Variants in ASGR2 observed in about 807,000 individuals in gnomAD.
ASGR2 encodes C-type lectin domain family 4 member H2.
Under a neutral mutation model 32.3 loss-of-function variants are expected in ASGR2, and 34 were observed. That is an observed-to-expected ratio of 1.05 (90% CI 0.80 to 1.40). ASGR2 has a LOEUF of 1.40. ASGR2 is among the 40% of genes most tolerant of loss of function. ASGR2 has a pLI of 0.00. For missense variants in ASGR2, 385 were observed against 386.4 expected, an observed-to-expected ratio of 1.00 and a Z score of 0.03; for synonymous variants, 143 against 150.0, an observed-to-expected ratio of 0.95 and a Z score of 0.34.
chr17:7,110,314 C>G (rs946538092), intron 2 of ASGR2, among the ~76,000 whole-genome samples: 6 of 152,004 alleles, frequency 3.9e-5, no homozygotes. Context: ...CCACCCCTTC[C>G]TCCAAGGCCT....
chr17:7,108,639 C>G lies in ASGR2; in HGVS notation c.242-82G>C, dbSNP rs1914192252. 5.6e-6 allele frequency: 9 copies of G among 1,600,952 alleles called. No homozygotes were observed. The highest frequency in any genetic ancestry group is 1.7e-5 in the Admixed American group (1 of 59,600). On this transcript the variant is annotated intron_variant, in intron 3 of 8. Transcript: ENST00000691900. The surrounding 1 kb of genome is among the most constrained non-coding windows in gnomAD (Gnocchi z 4.9). ...TCCATGTGACTGGCCCCTCAATGTC[C>G]CCGCATTTGCCCCAGCTTGTGCTCC...
intron 2 of ASGR2, among the ~76,000 whole-genome samples, chr17:7,109,100 C>G (rs888328718): frequency 6.6e-6 from 1 of 151,874 alleles, no homozygotes; most frequent in Non-Finnish European, 1.5e-5. Context: ...AATATACACA[C>G]GCAGCTAATC....
rs1915000863 is a variant in ASGR2 at position 7,113,445 on chromosome 17, CACA to C, written c.124+669_124+671del. On this transcript the variant is annotated intron_variant, in intron 2 of 8. Transcript: ENST00000691900. This position sits in a 1 kb window ranked among gnomAD's most constrained non-coding sequence, Gnocchi z 5.1. Reference sequence around the variant, plus strand: ...ACACGCACAACATACACAACACTCACACAACACACAAACATACATACACTCACA... The same window carrying C: ...ACACGCACAACATACACAACACTCACACACACAAACATACATACACTCACA... Among the ~76,000 whole-genome samples the C allele has an allele frequency of 1.3e-5, 2 of 149,880 alleles. No homozygotes were observed. The highest frequency in any genetic ancestry group is 3.0e-5 in the Non-Finnish European group (2 of 67,488).
At position 7,102,101 on chromosome 17, in the gene ASGR2, C is replaced by T. The variant is rs572426696; in HGVS notation, c.744G>A (p.Arg248=). ...AAGAGGCCACTTACTTGTAGTTGTG[C>T]CTATAGTCTGTGCCATCCACCCATT... ...SWKWVDGTDY[R]HNYKNWAVTQ... is the part of the protein sequence containing the mutation. The change falls in exon 8 of 9, where the codon AGG becomes AGA. Residue 248 remains arginine, a synonymous_variant. Coordinates refer to ENST00000691900, the MANE Select transcript of ASGR2 (RefSeq NM_001201352.2). The T allele has an allele frequency of 6.2e-6, 10 of 1,613,852 alleles. No individual in the cohort carries two copies. In the African/African-American group the frequency reaches 1.2e-4, roughly 19 times the overall value.
chr17:7,101,658 C>T lies in ASGR2; in HGVS notation c.838G>A (p.Gly280Ser), dbSNP rs941669456. 1 of 1,614,094 alleles carries T rather than the reference C, an allele frequency of 6.2e-7. No homozygotes were observed. The highest frequency in any genetic ancestry group is 1.3e-5 in the African/African-American group (1 of 74,928). The stretch of plus-strand genomic sequence containing the variant: ...AGGCAGAAGTCATCGTTCCAGCGGC[C>T]ATCCGGCTGGACTTCAACACAGTCT... Reference protein sequence around the residue: ...SEDCVEVQPDGRWNDDFCLQV... With the variant: ...SEDCVEVQPDSRWNDDFCLQV... The change falls in exon 9 of 9, where the codon GGC (glycine) becomes AGC (serine). Residue 280 changes from glycine (G) to serine (S), a missense_variant. Transcript: ENST00000691900.
At chr17:7,109,444 A>C (rs1455550266) in intron 2 of ASGR2, among the ~76,000 whole-genome samples, 1 of 151,904 alleles carries the variant, frequency 6.6e-6, no homozygotes, top group Non-Finnish European at 1.5e-5. Context: ...GAGATCCTTA[A>C]ATCTGGGTCA....
rs1346097246 is a variant in ASGR2 at position 7,108,867 on chromosome 17, A to C, written c.146T>G (p.Leu49Arg). 1.3e-6 allele frequency: 2 copies of C among 1,595,430 alleles called. No homozygotes were observed. Among genetic ancestry groups the C allele is most frequent in the Non-Finnish European group, 1.7e-6 (2 of 1,171,626 alleles). The part of the protein sequence containing the change: ...FLKGPPPAQP[L>R]AQRLCSMVCF... ...GACCATGGAGCAGAGACGCTGTGCC[A>C]GGGGCTGGGCAGGAGGTGGCCCTGT... The change falls in exon 3 of 9, where the codon CTG becomes CGG. Residue 49 changes from leucine (L) to arginine (R), a missense_variant. Coordinates refer to ENST00000691900, the MANE Select transcript of ASGR2 (RefSeq NM_001201352.2). This position sits in a 1 kb window ranked among gnomAD's most constrained non-coding sequence, Gnocchi z 4.9.
intron 7 of ASGR2, among the ~76,000 whole-genome samples, chr17:7,105,270 C>T (rs767961270): frequency 2.0e-5 from 3 of 149,876 alleles, no homozygotes; most frequent in Non-Finnish European, 4.4e-5. Context: ...GCATGTAAAG[C>T]AGAAAAAAGA....
chr17:7,113,144 A>AG lies in ASGR2; in HGVS notation c.124+972_124+973insC, dbSNP rs1914929391. On this transcript the variant is annotated intron_variant, in intron 2 of 8. Transcript: ENST00000691900. This position sits in a 1 kb window ranked among gnomAD's most constrained non-coding sequence, Gnocchi z 5.1. ...ACTACACTCCTGTCTCTAAAAAAAA[A>AG]ATGTCCAAGATACTTAGGTCCTTCA... Among the ~76,000 whole-genome samples the AG allele has an allele frequency of 6.6e-6, 1 of 151,982 alleles. No individual in the cohort carries two copies.
chr17:7,107,719 GCACA>G lies in ASGR2; in HGVS notation c.409+113_409+116del, dbSNP rs552697728. The G allele has an allele frequency of 1.5e-4, 185 of 1,216,332 alleles. No individual in the cohort carries two copies. The highest frequency in any genetic ancestry group is 1.2e-3 in the African/African-American group (82 of 66,734). 75.3% of individuals were successfully genotyped at this position (1,216,332 alleles called of 1,614,324 possible). On this transcript the variant is annotated intron_variant, in intron 5 of 8. Coordinates refer to ENST00000691900, the MANE Select transcript of ASGR2 (RefSeq NM_001201352.2). This position sits in a 1 kb window ranked among gnomAD's most constrained non-coding sequence, Gnocchi z 5.0. ...GAGACACAGATACACATGCTTGCAG[GCACA>G]CACACGCACGCACGCACACGTGCAC...
chr17:7,102,089 CTTGTAG>C lies in ASGR2; in HGVS notation c.750_755del (p.Asn250_Tyr251del). 6.2e-7 allele frequency: 1 copy of C among 1,612,900 alleles called. No homozygotes were observed. Among genetic ancestry groups the C allele is most frequent in the Non-Finnish European group, 8.5e-7 (1 of 1,178,852 alleles). ...AGGAGATGAGGGAAGAGGCCACTTA[CTTGTAG>C]TTGTGCCTATAGTCTGTGCCATCCA... On this transcript the variant is annotated inframe_deletion and splice_region_variant, in exon 8 of 9. Coordinates refer to ENST00000691900, the MANE Select transcript of ASGR2 (RefSeq NM_001201352.2).
At chr17:7,103,505 T>G (rs1344658341) in intron 7 of ASGR2, among the ~76,000 whole-genome samples, 6 of 152,142 alleles carry the variant, frequency 3.9e-5, no homozygotes, top group African/African-American at 1.4e-4. Flanking sequence ...GCCCGCCGTG[T>G]TAAAGACTGA....
chr17:7,107,481 G>A lies in ASGR2; in HGVS notation c.410-164C>T, dbSNP rs1297082114. 5 of 713,870 alleles carry A rather than the reference G, an allele frequency of 7.0e-6. No individual in the cohort carries two copies. The highest frequency in any genetic ancestry group is 1.2e-5 in the Non-Finnish European group (5 of 421,564). The allele number at this position is 713,870 out of a possible 1,614,324, so 44.2% of individuals were successfully genotyped here. ...ACCACAGACATGTACACCACACATA[G>A]ACCACACCACACACAGATCCATCAC... On this transcript the variant is annotated intron_variant, in intron 5 of 8. Coordinates refer to ENST00000691900, the MANE Select transcript of ASGR2 (RefSeq NM_001201352.2). This position sits in a 1 kb window ranked among gnomAD's most constrained non-coding sequence, Gnocchi z 5.0.
chr17:7,112,438 C>T (rs1914836803), intron 2 of ASGR2, among the ~76,000 whole-genome samples: 1 of 152,116 alleles, frequency 6.6e-6, no homozygotes, highest in South Asian at 2.1e-4. Flanking sequence ...AGCTCACTCT[C>T]CCATTAATTT....
intron 7 of ASGR2, among the ~76,000 whole-genome samples, chr17:7,103,375 G>A (rs1158753453): frequency 6.6e-6 from 1 of 152,210 alleles, no homozygotes; most frequent in Non-Finnish European, 1.5e-5. Flanking sequence ...GGAGTCAACG[G>A]AGTTGGAGAG....
rs1414926694 is a variant in ASGR2 at position 7,108,421 on chromosome 17, C to A, written c.337+41G>T. The A allele has an allele frequency of 1.9e-6, 3 of 1,547,740 alleles. No homozygotes were observed. The Admixed American group carries it at 5.9e-5, about 30-fold the overall frequency. On this transcript the variant is annotated intron_variant, in intron 4 of 8. Transcript: ENST00000691900. The surrounding 1 kb of genome is among the most constrained non-coding windows in gnomAD (Gnocchi z 4.9). ...CAGACTCGGCACTGAGCCCAGCAAACCTGTGCGGATAAATGAGAACCCAGC... is the reference window on the plus strand; with the variant it reads ...CAGACTCGGCACTGAGCCCAGCAAAACTGTGCGGATAAATGAGAACCCAGC...
chr17:7,111,010 A>C (rs772928033), intron 2 of ASGR2, among the ~76,000 whole-genome samples: 1 of 152,222 alleles, frequency 6.6e-6, no homozygotes, highest in Non-Finnish European at 1.5e-5. Flanking sequence ...TAAGAGTTCA[A>C]ACGATCAAAC....
upstream of ASGR2, chr17:7,114,944 C>T (rs934454803): frequency 5.1e-6 from 5 of 985,404 alleles, no homozygotes; most frequent in Non-Finnish European, 6.0e-6. The surrounding 1 kb of genome is among the most constrained non-coding windows in gnomAD (Gnocchi z 4.5). Flanking sequence ...ACACGCCACT[C>T]ACCCCACTCA....
Position 7,113,659 on chromosome 17 carries a change from CACA to C in ASGR2, c.124+455_124+457del, listed in dbSNP as rs1915080200. The stretch of plus-strand genomic sequence containing the variant: ...ACACAACACACAACATACACTCACA[CACA>C]AGATACACACAACATATACTCACAC... On this transcript the variant is annotated intron_variant, in intron 2 of 8. Coordinates refer to ENST00000691900, the MANE Select transcript of ASGR2 (RefSeq NM_001201352.2). The surrounding 1 kb of genome is among the most constrained non-coding windows in gnomAD (Gnocchi z 5.1). 6.6e-6 allele frequency among the ~76,000 whole-genome samples: 1 copy of C among 151,862 alleles called. No homozygotes were observed. The highest frequency in any genetic ancestry group is 2.4e-5 in the African/African-American group (1 of 41,312).
Sources: allele counts gnomAD v4.1 joint callset (sites outside exome capture counted in the v4.1 genomes callset), GRCh38; gene constraint gnomAD v4.1.1; non-coding constraint Gnocchi (gnomAD v3.1); transcripts MANE v1.5; gene names NCBI Gene and HGNC (gene_info 2026-07-23, HGNC 2026-07-21).